The following SLC25A21 variants were observed in gnomAD, a reference collection of about 807,000 sequenced individuals.
SLC25A21 encodes solute carrier family 25 member 21, also known as mitochondrial 2-oxodicarboxylate carrier.
A neutral mutation model predicts 43.8 loss-of-function variants in SLC25A21; 47 were observed. The observed-to-expected ratio is 1.07, with a 90% CI of 0.85 to 1.37. The LOEUF (loss-of-function observed/expected upper bound fraction) is 1.37, where lower values mean the gene tolerates loss of function less well. SLC25A21 is among the 40% of genes most tolerant of loss of function. The pLI is 0.00. For missense variants in SLC25A21, 352 were observed against 350.2 expected, an observed-to-expected ratio of 1.00 and a Z score of -0.04; for synonymous variants, 131 against 121.3, an observed-to-expected ratio of 1.08 and a Z score of -0.52.
At chr14:36,973,391 C>G (rs1959798093) in intron 1 of SLC25A21, among the ~76,000 whole-genome samples, 1 of 152,102 alleles carries the variant, frequency 6.6e-6, no homozygotes, top group Non-Finnish European at 1.5e-5. Flanking sequence ...GAGGCTGCCT[C>G]CGTGGGGTGT....
intron 3 of SLC25A21, among the ~76,000 whole-genome samples, chr14:36,760,381 AAGGAAGGAAGGC>A (rs1377529732): frequency 2.1e-3 from 299 of 140,886 alleles, no homozygotes; most frequent in Middle Eastern, 0.02. Flanking sequence ...GGAAGGAAGG[AAGGAAGGAAGGC>A]AGGCCTCATG....
intron 3 of SLC25A21, among the ~76,000 whole-genome samples, chr14:36,787,356 G>A (rs1377021554): frequency 6.6e-6 from 1 of 152,144 alleles, no homozygotes; most frequent in African/African-American, 2.4e-5. Context: ...CCTCAGAACT[G>A]TCATCTTTAA....
chr14:36,957,032 T>C (rs1184986920), intron 1 of SLC25A21, among the ~76,000 whole-genome samples: 4 of 152,236 alleles, frequency 2.6e-5, no homozygotes, highest in Non-Finnish European at 5.9e-5. Flanking sequence ...GAAAAGCTGA[T>C]TGCAGATTCT....
rs1397904925 is a variant in SLC25A21 at position 36,776,234 on chromosome 14, C to CTTTTTTTTTTTTTTTTT, written c.203+37683_203+37684insAAAAAAAAAAAAAAAAA. Among the ~76,000 whole-genome samples the CTTTTTTTTTTTTTTTTT allele has an allele frequency of 5.8e-4, 44 of 75,738 alleles. 1 individual carries two copies. Among genetic ancestry groups the CTTTTTTTTTTTTTTTTT allele is most frequent in the African/African-American group, 2.4e-3 (42 of 17,556 alleles). The allele number at this position is 75,738 out of a possible 152,430, so 49.7% of individuals were successfully genotyped here. A position where few individuals can be genotyped will look rare whatever the true frequency, so the allele number is the denominator to read the frequency against. On this transcript the variant is annotated intron_variant, in intron 3 of 9. Transcript: ENST00000331299. ...CTTTCTTTTTTCTTTTTCTTTCTTT[C>CTTTTTTTTTTTTTTTTT]TTTCTTTTTTTTTTTTTTTTGAGAT...
chr14:36,850,971 G>A (rs996324563), intron 2 of SLC25A21, among the ~76,000 whole-genome samples: 1 of 152,098 alleles, frequency 6.6e-6, no homozygotes, highest in Non-Finnish European at 1.5e-5. Context: ...GTTAGTCCTG[G>A]AAATGGTCAC....
intron 2 of SLC25A21, among the ~76,000 whole-genome samples, chr14:36,826,636 G>T (rs980076233): frequency 3.3e-5 from 5 of 152,240 alleles, no homozygotes; most frequent in African/African-American, 1.2e-4. Flanking sequence ...ATGAACATTA[G>T]TGTCTGGCCT....
At chr14:36,897,789 T>C (rs964802755) in intron 1 of SLC25A21, among the ~76,000 whole-genome samples, 1 of 152,226 alleles carries the variant, frequency 6.6e-6, no homozygotes. Flanking sequence ...TGGAGTTTGC[T>C]GGAGGTCCAC....
chr14:36,892,376 T>A (rs1891095034), intron 1 of SLC25A21, among the ~76,000 whole-genome samples: 1 of 152,092 alleles, frequency 6.6e-6, no homozygotes, highest in Admixed American at 6.6e-5. Context: ...GGAATCAACC[T>A]AAGTGCCCAT....
intron 1 of SLC25A21, among the ~76,000 whole-genome samples, chr14:37,154,701 A>T (rs1427077718): frequency 6.7e-6 from 1 of 149,256 alleles, no homozygotes; most frequent in African/African-American, 2.5e-5. Flanking sequence ...GGAGTGCGAT[A>T]GCATGATCTC....
intron 1 of SLC25A21, among the ~76,000 whole-genome samples, chr14:36,972,304 T>G (rs1959769335): frequency 6.6e-6 from 1 of 152,246 alleles, no homozygotes; most frequent in African/African-American, 2.4e-5. Flanking sequence ...GAAGCACTTC[T>G]CAGAATGTAT....
intron 1 of SLC25A21, among the ~76,000 whole-genome samples, chr14:37,045,825 TG>T (rs1961574767): frequency 6.6e-6 from 1 of 152,214 alleles, no homozygotes; most frequent in African/African-American, 2.4e-5. Flanking sequence ...ATCCATGAAA[TG>T]ATCTTTTCCT....
intron 1 of SLC25A21, among the ~76,000 whole-genome samples, chr14:36,987,116 T>C (rs923418541): frequency 1.3e-5 from 2 of 152,046 alleles, no homozygotes; most frequent in African/African-American, 4.8e-5. Flanking sequence ...TATAGCAAGG[T>C]TATAGTAAGT....
chr14:36,795,138 CT>C (rs1266776519), intron 3 of SLC25A21, among the ~76,000 whole-genome samples: 1 of 152,100 alleles, frequency 6.6e-6, no homozygotes, highest in Non-Finnish European at 1.5e-5. Context: ...ATAAATTGCT[CT>C]TTTTGTTATG....
intron 6 of SLC25A21, among the ~76,000 whole-genome samples, chr14:36,724,411 G>T (rs1884504121): frequency 6.6e-6 from 1 of 152,122 alleles, no homozygotes; most frequent in Admixed American, 6.5e-5. Flanking sequence ...GGAGTGAGGG[G>T]GTCTCCACCC....
At chr14:37,048,656 C>G (rs1961640266) in intron 1 of SLC25A21, among the ~76,000 whole-genome samples, 2 of 152,082 alleles carry the variant, frequency 1.3e-5, no homozygotes, top group Admixed American at 1.3e-4. Flanking sequence ...AGGTCCAAAA[C>G]TTTACTCTGG....
intron 2 of SLC25A21, among the ~76,000 whole-genome samples, chr14:36,818,440 C>T (rs952645050): frequency 6.6e-6 from 1 of 152,158 alleles, no homozygotes; most frequent in African/African-American, 2.4e-5. Flanking sequence ...AGTCCATAAA[C>T]TGTGTTGCAT....
intron 1 of SLC25A21, among the ~76,000 whole-genome samples, chr14:37,122,515 G>A (rs746365606): frequency 6.6e-6 from 1 of 152,218 alleles, no homozygotes; most frequent in Non-Finnish European, 1.5e-5. Flanking sequence ...TCTGGAGGAT[G>A]TAGACAGAAT....
At chr14:37,048,831 A>AGTTTT (rs1961644523) in intron 1 of SLC25A21, among the ~76,000 whole-genome samples, 1 of 152,230 alleles carries the variant, frequency 6.6e-6, no homozygotes, top group Non-Finnish European at 1.5e-5. Flanking sequence ...CCTTGGATTT[A>AGTTTT]GCCACTGAGA....
chr14:36,858,279 G>A (rs1300164573), intron 2 of SLC25A21, among the ~76,000 whole-genome samples: 1 of 152,106 alleles, frequency 6.6e-6, no homozygotes, highest in African/African-American at 2.4e-5. Context: ...TGTATGCACT[G>A]GCCAAAGAAT....
Sources: allele counts gnomAD v4.1 joint callset (sites outside exome capture counted in the v4.1 genomes callset), GRCh38; gene constraint gnomAD v4.1.1; transcripts MANE v1.5; gene names NCBI Gene and HGNC (gene_info 2026-07-23, HGNC 2026-07-21).